NRXN2: variants seen among roughly 807,000 people sequenced by gnomAD.
NRXN2 encodes neurexin 2, also known as neurexin-2-beta.
NRXN2 carries 29 observed loss-of-function variants against 128.8 expected under a neutral mutation model. That is an observed-to-expected ratio of 0.23 (90% CI 0.17 to 0.31). NRXN2 has a LOEUF of 0.31. Among genes scored for constraint, NRXN2 ranks in the 10% least tolerant of loss-of-function variants. The probability of loss-of-function intolerance (pLI) is 1.00; values close to 1 mark genes in which losing one functional copy is unlikely to be tolerated. For synonymous variants in NRXN2, 1,098 were observed against 1,075.2 expected, an observed-to-expected ratio of 1.02 and a Z score of -0.41; for missense variants, 1,881 against 2,452.6, an observed-to-expected ratio of 0.77 and a Z score of 4.92.
chr11:64,679,573 C>T (rs952066077), intron 6 of NRXN2, among the ~76,000 whole-genome samples: 8 of 151,838 alleles, frequency 5.3e-5, no homozygotes, highest in African/African-American at 1.9e-4. Context: ...GGAGGCGGAG[C>T]TTGCAGTGAG....
chr11:64,687,372 C>T (rs571789057), intron 5 of NRXN2, among the ~76,000 whole-genome samples: 1 of 152,318 alleles, frequency 6.6e-6, no homozygotes, highest in East Asian at 1.9e-4. Context: ...ACACAGCCTG[C>T]TTCTCTCTCT....
chr11:64,620,580 C>T (rs957528436), intron 21 of NRXN2, among the ~76,000 whole-genome samples: 3 of 151,840 alleles, frequency 2.0e-5, no homozygotes, highest in African/African-American at 4.8e-5. Flanking sequence ...AGCAACAGCC[C>T]TGCAGGTTTT....
intron 5 of NRXN2, chr11:64,688,837 ACCT>A: frequency 1.0e-6 from 1 of 984,574 alleles, no homozygotes; most frequent in Non-Finnish European, 1.2e-6. Context: ...CAGCTCCCAG[ACCT>A]CCTCTGGGAA....
intron 7 of NRXN2, among the ~76,000 whole-genome samples, chr11:64,673,715 A>C (rs1165480544): frequency 6.6e-6 from 1 of 151,870 alleles, no homozygotes; most frequent in Non-Finnish European, 1.5e-5. Context: ...TGTTTTAGAG[A>C]TAGGGTGTTT....
Position 64,623,139 on chromosome 11 carries a change from G to T in NRXN2, c.3848-61C>A. Reference sequence around the variant, plus strand: ...AGGCAGTGAGGGGAGACCAGGAAGGGAAGGAAGAAAAGAAGGAAGCCAAGG... The same window carrying T: ...AGGCAGTGAGGGGAGACCAGGAAGGTAAGGAAGAAAAGAAGGAAGCCAAGG... On this transcript the variant is annotated intron_variant, in intron 20 of 22. Transcript: ENST00000265459. The surrounding 1 kb of genome is among the most constrained non-coding windows in gnomAD (Gnocchi z 4.9). 6.5e-7 allele frequency: 1 copy of T among 1,540,088 alleles called. No individual in the cohort carries two copies. Among genetic ancestry groups the T allele is most frequent in the Non-Finnish European group, 8.8e-7 (1 of 1,139,148 alleles).
At position 64,632,662 on chromosome 11, in the gene NRXN2, G is replaced by A. The variant is rs2044087205; in HGVS notation, c.3586-2089C>T. 6.6e-6 allele frequency among the ~76,000 whole-genome samples: 1 copy of A among 152,076 alleles called. No homozygotes were observed. Among genetic ancestry groups the A allele is most frequent in the African/African-American group, 2.4e-5 (1 of 41,410 alleles). On this transcript the variant is annotated intron_variant, in intron 18 of 22. Transcript: ENST00000265459. The surrounding 1 kb of genome is among the most constrained non-coding windows in gnomAD (Gnocchi z 4.2). ...GGAGGCAGGACACCTGGGTTTCCTAGGAGGCAGTCAAGCTCAGGGCCCTGC... is the reference window on the plus strand; with the variant it reads ...GGAGGCAGGACACCTGGGTTTCCTAAGAGGCAGTCAAGCTCAGGGCCCTGC...
chr11:64,702,111 C>T (rs2055530938), intron 2 of NRXN2, among the ~76,000 whole-genome samples: 1 of 146,842 alleles, frequency 6.8e-6, no homozygotes. Context: ...CGGCCAGCCG[C>T]CCGTCCGGGA....
At chr11:64,708,256 C>A (rs2056543067) in intron 2 of NRXN2, among the ~76,000 whole-genome samples, 1 of 152,184 alleles carries the variant, frequency 6.6e-6, no homozygotes, top group Non-Finnish European at 1.5e-5. Flanking sequence ...CGTGTGTCTA[C>A]CTCCCTGCAA....
At chr11:64,703,439 A>C (rs1417749162) in intron 2 of NRXN2, among the ~76,000 whole-genome samples, 1 of 152,218 alleles carries the variant, frequency 6.6e-6, no homozygotes, top group Non-Finnish European at 1.5e-5. Context: ...TAACTTGGCC[A>C]AGGTCACACT....
At chr11:64,618,708 AACAGC>A (rs539023873) in intron 22 of NRXN2, among the ~76,000 whole-genome samples, 3 of 152,164 alleles carry the variant, frequency 2.0e-5, no homozygotes, top group Non-Finnish European at 4.4e-5. Flanking sequence ...GGGAAGAAGT[AACAGC>A]ACTCAGCAGA....
Position 64,630,362 on chromosome 11 carries a change from C to G in NRXN2, c.3757+40G>C, listed in dbSNP as rs899137721. The G allele has an allele frequency of 2.5e-6, 4 of 1,587,446 alleles. No individual in the cohort carries two copies. The highest frequency in any genetic ancestry group is 3.4e-6 in the Non-Finnish European group (4 of 1,169,280). On this transcript the variant is annotated intron_variant, in intron 19 of 22. Coordinates refer to ENST00000265459, the MANE Select transcript of NRXN2 (RefSeq NM_015080.4). This position sits in a 1 kb window ranked among gnomAD's most constrained non-coding sequence, Gnocchi z 4.6. ...CACTCCTATCAGAGGCCGCCACCCG[C>G]CCCGCCACCGCGCCTCCTCCGCGGG...
intron 2 of NRXN2, among the ~76,000 whole-genome samples, chr11:64,704,219 A>G (rs1334396688): frequency 2.6e-5 from 4 of 152,152 alleles, no homozygotes; most frequent in Non-Finnish European, 5.9e-5. Flanking sequence ...CCAGCAGAAG[A>G]CAGAGATGGT....
At chr11:64,664,456 C>T (rs578168025) in intron 9 of NRXN2, among the ~76,000 whole-genome samples, 2 of 131,882 alleles carry the variant, frequency 1.5e-5, no homozygotes, top group East Asian at 2.2e-4. Flanking sequence ...CCAGCCTAGG[C>T]AACGAGAGCG....
chr11:64,666,766 T>G (rs999084204), intron 9 of NRXN2, among the ~76,000 whole-genome samples: 2 of 151,912 alleles, frequency 1.3e-5, no homozygotes, highest in African/African-American at 4.8e-5. Context: ...GGTTTCGCCG[T>G]GTTAGCCAGG....
At chr11:64,628,684 C>T (rs1383793151) in intron 19 of NRXN2, among the ~76,000 whole-genome samples, 2 of 152,220 alleles carry the variant, frequency 1.3e-5, no homozygotes, top group Non-Finnish European at 2.9e-5. Context: ...CCAATGTCAT[C>T]ACTGCTACAA....
chr11:64,722,777 C>G (rs898177671), intron 1 of NRXN2, among the ~76,000 whole-genome samples, 194 bp downstream of exon 1: 10 of 151,424 alleles, frequency 6.6e-5, no homozygotes, highest in Admixed American at 3.3e-4. Flanking sequence ...GCCCCTTCCA[C>G]AGGAGCCTCC....
In NRXN2 at chr11:64,651,536, G is replaced by C; in HGVS notation, c.2637C>G (p.Ile879Met). The C allele has an allele frequency of 6.2e-7, 1 of 1,614,130 alleles. No homozygotes were observed. Among genetic ancestry groups the C allele is most frequent in the Non-Finnish European group, 8.5e-7 (1 of 1,180,008 alleles). The change falls in exon 14 of 23, where the codon ATC (isoleucine) becomes ATG (methionine). Residue 879 changes from isoleucine to methionine, a missense_variant. Physicochemically the swap from Ile to Met is conservative, Grantham distance 10. Transcript: ENST00000265459. The surrounding 1 kb of genome is among the most constrained non-coding windows in gnomAD (Gnocchi z 5.9). ...RFISVVPSNF[I>M]GHLSGLVFNG... is the part of the protein sequence containing the mutation. ...TGAACACGAGCCCACTCAGATGCCC[G>C]ATGAAGTTGGAGGGCACCACGGAGA... is the stretch of plus-strand genomic sequence containing the variant.
In NRXN2 at chr11:64,607,760, G is replaced by A. The variant is rs753534656; in HGVS notation, c.4575C>T (p.Thr1525=). ...TTFPLVTDRT[T]LLSPRKPAPR... is the part of the protein sequence containing the mutation. ...GAGCGGGTTTGCGGGGTGACAGGAG[G>A]GTGGTGCGGTCCGTGACCAGGGGAA... The change falls in exon 23 of 23, where the codon ACC becomes ACT. Residue 1525 remains threonine (T), a synonymous_variant. Coordinates refer to ENST00000265459, the MANE Select transcript of NRXN2 (RefSeq NM_015080.4). 4.4e-6 allele frequency: 7 copies of A among 1,585,658 alleles called. 1 individual carries two copies. In the South Asian group the frequency reaches 8.1e-5, roughly 18 times the overall value.
chr11:64,721,250 G>A (rs1337453073), intron 1 of NRXN2, among the ~76,000 whole-genome samples: 2 of 151,912 alleles, frequency 1.3e-5, no homozygotes, highest in Non-Finnish European at 2.9e-5. Flanking sequence ...AGCTGGACCT[G>A]GGTAGTGACT....
Sources: gnomAD v4.1 joint callset for allele counts (sites outside exome capture counted in the v4.1 genomes callset) on GRCh38, gnomAD v4.1.1 for gene constraint, Gnocchi (gnomAD v3.1) non-coding constraint, MANE v1.5 for transcripts, NCBI Gene and HGNC (gene_info 2026-07-23, HGNC 2026-07-21) for gene names.